Variants in SRGAP2 observed in about 807,000 individuals in gnomAD.
The protein encoded by SRGAP2 is SLIT-ROBO Rho GTPase-activating protein 2.
Under a neutral mutation model 57.2 loss-of-function variants are expected in SRGAP2, and 15 were observed. That is an observed-to-expected ratio of 0.26 (90% confidence interval 0.18 to 0.40). The LOEUF is 0.40. Among genes scored for constraint, SRGAP2 ranks in the 10% least tolerant of loss-of-function variants. SRGAP2 has a pLI of 1.00. For synonymous variants in SRGAP2, 249 were observed against 248.0 expected, an observed-to-expected ratio of 1.00 and a Z score of -0.04; for missense variants, 520 against 669.6, an observed-to-expected ratio of 0.78 and a Z score of 2.47.
intron 4 of SRGAP2, among the ~76,000 whole-genome samples, chr1:206,374,324 A>G (rs1174334625): frequency 6.7e-6 from 1 of 149,030 alleles, no homozygotes; most frequent in African/African-American, 2.5e-5. Context: ...CCAGATACAC[A>G]TTCTTTTCAA....
At chr1:206,324,570 G>A (rs1553329125) in intron 3 of SRGAP2, among the ~76,000 whole-genome samples, 2 of 151,928 alleles carry the variant, frequency 1.3e-5, no homozygotes, top group African/African-American at 4.8e-5. Context: ...ATCACTGGGG[G>A]GTGCACAATT....
chr1:206,424,797 GGA>G (rs1392628407), intron 13 of SRGAP2, among the ~76,000 whole-genome samples: 1 of 152,238 alleles, frequency 6.6e-6, no homozygotes, highest in Non-Finnish European at 1.5e-5. Context: ...AACATTATAA[GGA>G]GAGAGGAGGA....
intron 2 of SRGAP2, among the ~76,000 whole-genome samples, chr1:206,216,518 G>T (rs1435547378): frequency 6.7e-6 from 1 of 150,072 alleles, no homozygotes; most frequent in East Asian, 2.0e-4. Context: ...TTCAAAGCAC[G>T]GTGTGGAGAG....
chr1:206,435,061 C>G (rs55814842), intron 14 of SRGAP2, among the ~76,000 whole-genome samples: 17 of 152,322 alleles, frequency 1.1e-4, no homozygotes, highest in Non-Finnish European at 2.4e-4. Context: ...TACACTGGTA[C>G]TAATGAGGTT....
At chr1:206,355,144 A>G (rs2102969336) in intron 4 of SRGAP2, among the ~76,000 whole-genome samples, 1 of 152,242 alleles carries the variant, frequency 6.6e-6, no homozygotes, top group South Asian at 2.1e-4. Context: ...TATCTAATGC[A>G]CACAGTTTTA....
intron 2 of SRGAP2, among the ~76,000 whole-genome samples, chr1:206,237,742 C>G (rs1667994722): frequency 6.9e-6 from 1 of 145,050 alleles, no homozygotes; most frequent in African/African-American, 2.5e-5. Context: ...GCCAACCTGG[C>G]TGGTGGGAGT....
At position 206,454,301 on chromosome 1, in the gene SRGAP2, A is replaced by G. The variant is rs1275550857; in HGVS notation, c.2361-577A>G. The G allele has an allele frequency of 6.0e-6, 4 of 661,654 alleles. No individual in the cohort carries two copies. The highest frequency in any genetic ancestry group is 1.1e-5 in the Non-Finnish European group (4 of 364,584). 41.0% of individuals were successfully genotyped at this position (661,654 alleles called of 1,614,324 possible). ...ATTATGACTTCACCACAGGATCAAG[A>G]GAAGATGAATTGTGGGGGAGAAGGG... On this transcript the variant is annotated intron_variant, in intron 20 of 22. Coordinates refer to ENST00000573034, the MANE Select transcript of SRGAP2 (RefSeq NM_015326.5). This position sits in a 1 kb window ranked among gnomAD's most constrained non-coding sequence, Gnocchi z 4.3.
intron 22 of SRGAP2, among the ~76,000 whole-genome samples, chr1:206,459,752 G>A (rs1395565720): frequency 2.0e-5 from 3 of 152,188 alleles, no homozygotes; most frequent in Non-Finnish European, 4.4e-5. Flanking sequence ...ATCTTCCAGG[G>A]GGTGATAGAG....
intron 3 of SRGAP2, among the ~76,000 whole-genome samples, chr1:206,329,712 C>G (rs1674208195): frequency 6.9e-6 from 1 of 144,426 alleles, no homozygotes. Context: ...TGGGCTGAGA[C>G]GAAGGGGTTT....
At position 206,458,423 on chromosome 1, in the gene SRGAP2, T is replaced by A. The variant is rs577483687; in HGVS notation, c.2508-200T>A. On this transcript the variant is annotated intron_variant, in intron 21 of 22. Transcript: ENST00000573034. ...CGTGACCACCAAGTAAGTATCCATT[T>A]CTCCTTCACCCAGCTTGGGGGTGGC... 4.2e-6 allele frequency: 3 copies of A among 712,260 alleles called. No individual in the cohort carries two copies. In the African/African-American group the frequency reaches 5.2e-5, roughly 12 times the overall value. The allele number at this position is 712,260 out of a possible 1,614,324, so 44.1% of individuals were successfully genotyped here.
At chr1:206,370,603 G>C (rs369181524) in intron 4 of SRGAP2, among the ~76,000 whole-genome samples, 14 of 152,188 alleles carry the variant, frequency 9.2e-5, no homozygotes, top group East Asian at 5.8e-4. Context: ...GGGAAGGAGA[G>C]ATGGGGAGTG....
chr1:206,283,873 T>C lies in SRGAP2; in HGVS notation c.68-19408T>C, dbSNP rs1373176111. 5.9e-3 allele frequency among the ~76,000 whole-genome samples: 822 copies of C among 139,588 alleles called. 11 individuals carry two copies. The highest frequency in any genetic ancestry group is 0.021 in the African/African-American group (792 of 37,092). 91.6% of individuals were successfully genotyped at this position (139,588 alleles called of 152,430 possible). ...TTAAAATTTAATAGCGTCCATTTTA[T>C]ATAAAGATGTTTTCTCATTTAATAG... is the stretch of plus-strand genomic sequence containing the variant. On this transcript the variant is annotated intron_variant, in intron 2 of 22. Coordinates refer to ENST00000573034, the MANE Select transcript of SRGAP2 (RefSeq NM_015326.5).
In SRGAP2 at chr1:206,363,002, T is replaced by A. The variant is rs1677022706; in HGVS notation, c.423+19994T>A. ...ATGGGTTCTTGGGTGGAGGGAAATA[T>A]GAGGTGAGGTTTGCCTTATGATGTC... On this transcript the variant is annotated intron_variant, in intron 4 of 22. Coordinates refer to ENST00000573034, the MANE Select transcript of SRGAP2 (RefSeq NM_015326.5). 2.0e-5 allele frequency among the ~76,000 whole-genome samples: 3 copies of A among 148,158 alleles called. No homozygotes were observed. In the East Asian group the frequency reaches 6.1e-4, roughly 30 times the overall value.
chr1:206,428,420 CA>C (rs71152470), intron 13 of SRGAP2, among the ~76,000 whole-genome samples: 1,621 of 60,118 alleles, frequency 0.027, 22 homozygotes, highest in African/African-American at 0.065. Context: ...GACTCTGTCT[CA>C]AAAAAAAAAA....
Position 206,450,759 on chromosome 1 carries a change from T to G in SRGAP2, c.2179+294T>G, listed in dbSNP as rs114916752. ...CTGAGTGCAGCATGATGTTGGTCCC[T>G]TATCATAGCCTAGACTCCTGCCAGA... On this transcript the variant is annotated intron_variant, in intron 19 of 22. Coordinates refer to ENST00000573034, the MANE Select transcript of SRGAP2 (RefSeq NM_015326.5). 7.9e-3 allele frequency among the ~76,000 whole-genome samples: 1,201 copies of G among 152,282 alleles called. 19 individuals carry two copies. The highest frequency in any genetic ancestry group is 0.027 in the African/African-American group (1,139 of 41,542).
chr1:206,348,766 A>C (rs2102945454), intron 4 of SRGAP2, among the ~76,000 whole-genome samples: 1 of 125,924 alleles, frequency 7.9e-6, no homozygotes, highest in Non-Finnish European at 1.6e-5. Flanking sequence ...TTAAATTGAA[A>C]AAGCCAAGTC....
intron 2 of SRGAP2, among the ~76,000 whole-genome samples, chr1:206,227,401 CTG>C (rs1667342506): frequency 6.6e-6 from 1 of 152,144 alleles, no homozygotes; most frequent in South Asian, 2.1e-4. Context: ...GTCTTCTCAA[CTG>C]TAGACCTTCA....
At chr1:206,355,866 C>T (rs1676391833) in intron 4 of SRGAP2, among the ~76,000 whole-genome samples, 1 of 152,020 alleles carries the variant, frequency 6.6e-6, no homozygotes, top group South Asian at 2.1e-4. Context: ...ACTCAGGAGG[C>T]TTAGGGAGGA....
chr1:206,220,905 C>G (rs1337311288), intron 2 of SRGAP2, among the ~76,000 whole-genome samples: 1 of 150,254 alleles, frequency 6.7e-6, no homozygotes, highest in Non-Finnish European at 1.5e-5. Context: ...GAGCTAATTT[C>G]AACCTGGCAG....
Sources: gnomAD v4.1 joint callset for allele counts (sites outside exome capture counted in the v4.1 genomes callset) on GRCh38, gnomAD v4.1.1 for gene constraint, Gnocchi (gnomAD v3.1) non-coding constraint, MANE v1.5 for transcripts, NCBI Gene and HGNC (gene_info 2026-07-23, HGNC 2026-07-21) for gene names.